The following BRINP3 variants were observed in gnomAD, a reference collection of about 807,000 sequenced individuals.
The protein encoded by BRINP3 is BMP/retinoic acid inducible neural specific 3.
A neutral mutation model predicts 71.0 loss-of-function variants in BRINP3; 19 were observed. The ratio of observed to expected loss-of-function variants is 0.27; its 90% CI spans 0.19 to 0.39. The LOEUF is 0.39. BRINP3 is among the 10% of genes least tolerant of loss of function. The pLI, the probability that BRINP3 is intolerant of heterozygous loss-of-function variation, is 1.00. For synonymous variants in BRINP3, 380 were observed against 337.7 expected, an observed-to-expected ratio of 1.13 and a Z score of -1.37; for missense variants, 959 against 940.8, an observed-to-expected ratio of 1.02 and a Z score of -0.25.
intron 2 of BRINP3, among the ~76,000 whole-genome samples, chr1:190,315,649 C>T (rs181662402): frequency 2.1e-3 from 321 of 152,226 alleles, no homozygotes; most frequent in Non-Finnish European, 4.0e-3. Context: ...GCTTTAAGTT[C>T]ATTCATTGAT....
chr1:190,097,980 A>T lies in BRINP3; in HGVS notation c.*38T>A, dbSNP rs781219796. ...ACTGTTCCACAAAAGCACTGTAAAA[A>T]CTCCTTCAAGATTTTGGGTTGTGCT... On this transcript the variant is annotated 3_prime_UTR_variant, in exon 8 of 8. Coordinates refer to ENST00000367462, the MANE Select transcript of BRINP3 (RefSeq NM_199051.3). The T allele has an allele frequency of 6.4e-6, 10 of 1,555,396 alleles. No homozygotes were observed. The Admixed American group carries it at 1.8e-4, about 28-fold the overall frequency.
chr1:190,146,672 C>G (rs1207627472), intron 7 of BRINP3, among the ~76,000 whole-genome samples: 1 of 152,062 alleles, frequency 6.6e-6, no homozygotes, highest in Non-Finnish European at 1.5e-5. Flanking sequence ...TTTTCAGTGG[C>G]TACTCAGCAG....
intron 6 of BRINP3, among the ~76,000 whole-genome samples, chr1:190,216,399 T>C (rs1656422062): frequency 6.6e-6 from 1 of 151,786 alleles, no homozygotes; most frequent in Non-Finnish European, 1.5e-5. Context: ...GTTATGTATA[T>C]GCTACCAATA....
intron 7 of BRINP3, among the ~76,000 whole-genome samples, chr1:190,143,219 C>T (rs1306804122): frequency 6.6e-6 from 1 of 152,130 alleles, no homozygotes; most frequent in Non-Finnish European, 1.5e-5. Context: ...AACAGCAAAA[C>T]TCAGACTGAA....
intron 2 of BRINP3, among the ~76,000 whole-genome samples, chr1:190,412,398 TA>T (rs1260874699): frequency 9.6e-5 from 5 of 52,242 alleles, no homozygotes; most frequent in African/African-American, 4.2e-4. Flanking sequence ...ATATATATTA[TA>T]TATATATATA....
At chr1:190,459,885 A>G (rs573073003) in intron 1 of BRINP3, among the ~76,000 whole-genome samples, 1 of 152,186 alleles carries the variant, frequency 6.6e-6, no homozygotes, top group South Asian at 2.1e-4. Flanking sequence ...TGTCAGTTAG[A>G]GTCACCAGTT....
intron 6 of BRINP3, among the ~76,000 whole-genome samples, chr1:190,207,137 A>G (rs1571362446): frequency 6.6e-6 from 1 of 152,184 alleles, no homozygotes; most frequent in East Asian, 1.9e-4. Flanking sequence ...AAATTAAATA[A>G]TCAATACTAA....
intron 7 of BRINP3, among the ~76,000 whole-genome samples, chr1:190,150,321 T>G (rs1463306498): frequency 1.3e-5 from 2 of 151,838 alleles, no homozygotes; most frequent in East Asian, 3.9e-4. Context: ...TGTTAGAAAA[T>G]AATGATGCTA....
rs1671261823 is a variant in BRINP3, at chr1:190,391,726, G to A, written c.236+62929C>T. Among the ~76,000 whole-genome samples, 3 of 151,740 alleles carry A rather than the reference G, an allele frequency of 2.0e-5. No individual in the cohort carries two copies. The South Asian group carries it at 6.2e-4, about 31-fold the overall frequency. ...ATCTAAATGTAGGAAATGTATGAGTGATGCCTACACTGTAAATTATACTGA... is the reference window on the plus strand; with the variant it reads ...ATCTAAATGTAGGAAATGTATGAGTAATGCCTACACTGTAAATTATACTGA... On this transcript the variant is annotated intron_variant, in intron 2 of 7. Transcript: ENST00000367462.
At chr1:190,422,168 T>A (rs1417154583) in intron 2 of BRINP3, among the ~76,000 whole-genome samples, 1 of 151,794 alleles carries the variant, frequency 6.6e-6, no homozygotes, top group African/African-American at 2.4e-5. Flanking sequence ...GGTACTTAAC[T>A]CGTGGTTAAT....
intron 7 of BRINP3, among the ~76,000 whole-genome samples, chr1:190,144,803 C>A (rs879739196): frequency 6.6e-6 from 1 of 152,106 alleles, no homozygotes; most frequent in Non-Finnish European, 1.5e-5. Flanking sequence ...CTATACTCTC[C>A]ATGGGAAGCC....
chr1:190,471,120 A>G (rs1677109844), intron 1 of BRINP3, among the ~76,000 whole-genome samples: 1 of 151,262 alleles, frequency 6.6e-6, no homozygotes, highest in Non-Finnish European at 1.5e-5. Flanking sequence ...TTGAAAAGAT[A>G]GGGGCAGAAA....
chr1:190,107,641 A>C (rs968779667), intron 7 of BRINP3, among the ~76,000 whole-genome samples: 1 of 151,930 alleles, frequency 6.6e-6, no homozygotes, highest in African/African-American at 2.4e-5. Flanking sequence ...GTGTTTGTCT[A>C]TATGTTAGCT....
At chr1:190,174,664 A>G (rs1223518313) in intron 6 of BRINP3, among the ~76,000 whole-genome samples, 1 of 152,148 alleles carries the variant, frequency 6.6e-6, no homozygotes, top group East Asian at 1.9e-4. Context: ...TAGTATTTAT[A>G]GTATGCTACC....
At chr1:190,345,199 T>A (rs1029843237) in intron 2 of BRINP3, among the ~76,000 whole-genome samples, 5 of 151,862 alleles carry the variant, frequency 3.3e-5, no homozygotes, top group African/African-American at 1.2e-4. Flanking sequence ...GTCTACTGTC[T>A]CTATACCATT....
chr1:190,279,692 A>C (rs962742173), intron 3 of BRINP3, among the ~76,000 whole-genome samples: 2 of 151,792 alleles, frequency 1.3e-5, no homozygotes, highest in African/African-American at 4.8e-5. Context: ...CAATGTGCTC[A>C]GGCATCCACT....
At chr1:190,375,919 A>G (rs1670155349) in intron 2 of BRINP3, among the ~76,000 whole-genome samples, 1 of 151,978 alleles carries the variant, frequency 6.6e-6, no homozygotes, top group Non-Finnish European at 1.5e-5. Flanking sequence ...GGACATTTTT[A>G]GATTTAAATG....
chr1:190,312,543 T>C (rs556535883), intron 2 of BRINP3, among the ~76,000 whole-genome samples: 1 of 151,646 alleles, frequency 6.6e-6, no homozygotes, highest in African/African-American at 2.4e-5. Context: ...ACAAGTTGTC[T>C]TTCTGCCTCA....
At chr1:190,311,709 G>C (rs987039381) in intron 2 of BRINP3, among the ~76,000 whole-genome samples, 1 of 151,208 alleles carries the variant, frequency 6.6e-6, no homozygotes, top group Admixed American at 6.6e-5. Context: ...TATATGAAAA[G>C]AAGTTGATTA....
Sources: allele counts gnomAD v4.1 joint callset (sites outside exome capture counted in the v4.1 genomes callset), GRCh38; gene constraint gnomAD v4.1.1; transcripts MANE v1.5; gene names NCBI Gene and HGNC (gene_info 2026-07-23, HGNC 2026-07-21).